The following PRRX1 variants were observed in gnomAD, a reference collection of about 807,000 sequenced individuals.
PRRX1 encodes paired related homeobox 1.
A neutral mutation model predicts 24.0 loss-of-function variants in PRRX1; 8 were observed. That is an observed-to-expected ratio of 0.33 (90% CI 0.20 to 0.60). The LOEUF is 0.60. Among genes scored for constraint, PRRX1 ranks in the 20% least tolerant of loss-of-function variants. The pLI, the probability that PRRX1 is intolerant of heterozygous loss-of-function variation, is 0.82. For synonymous variants in PRRX1, 160 were observed against 131.7 expected, an observed-to-expected ratio of 1.22 and a Z score of -1.47; for missense variants, 281 against 322.4, an observed-to-expected ratio of 0.87 and a Z score of 0.98.
Position 170,738,399 on chromosome 1 carries a change from C to A in PRRX1, c.*2213C>A, listed in dbSNP as rs187465183. 3.1e-5 allele frequency: 7 copies of A among 226,250 alleles called. No homozygotes were observed. In the East Asian group the frequency reaches 4.5e-4, roughly 14 times the overall value. 14.0% of individuals were successfully genotyped at this position (226,250 alleles called of 1,614,324 possible). On this transcript the variant is annotated 3_prime_UTR_variant, in exon 4 of 4. Coordinates refer to ENST00000239461, the MANE Select transcript of PRRX1 (RefSeq NM_022716.4). ...CTCATCTTATACATTTTGCTTTCAC[C>A]AATTGATTCCTTCTTCTTTTAGCCC...
chr1:170,686,254 G>A (rs1159940041), intron 1 of PRRX1, among the ~76,000 whole-genome samples: 1 of 151,208 alleles, frequency 6.6e-6, no homozygotes, highest in Non-Finnish European at 1.5e-5. Flanking sequence ...AGTGGAAAAT[G>A]GCAGCTCGGA....
intron 1 of PRRX1, among the ~76,000 whole-genome samples, chr1:170,717,441 A>T (rs1376117128): frequency 6.6e-6 from 1 of 152,240 alleles, no homozygotes; most frequent in Non-Finnish European, 1.5e-5. Flanking sequence ...TTGAAACAAC[A>T]TAAAAGATTT....
intron 1 of PRRX1, among the ~76,000 whole-genome samples, chr1:170,688,825 C>G (rs890489111): frequency 1.3e-5 from 2 of 152,088 alleles, no homozygotes; most frequent in South Asian, 2.1e-4. Context: ...CTTCCCATAT[C>G]TTAACTATAT....
At chr1:170,726,579 G>A (rs181534150) in intron 3 of PRRX1, 178 bp downstream of exon 3, 2 of 738,374 alleles carry the variant, frequency 2.7e-6, no homozygotes, top group Admixed American at 5.7e-5. Flanking sequence ...CCCAGCAGCA[G>A]GGTTTGGGGC....
chr1:170,682,819 A>G lies in PRRX1; in HGVS notation c.241+18360A>G, dbSNP rs145430536. Among the ~76,000 whole-genome samples, 804 of 152,374 alleles carry G rather than the reference A, an allele frequency of 5.3e-3. 8 individuals carry two copies. Among genetic ancestry groups the G allele is most frequent in the African/African-American group, 0.017 (691 of 41,598 alleles). On this transcript the variant is annotated intron_variant, in intron 1 of 3. Coordinates refer to ENST00000239461, the MANE Select transcript of PRRX1 (RefSeq NM_022716.4). ...TCAATTGTGATTAGTAAGTTTTATGAAAGAAATGAAACAGCCTATTTGAGC... is the reference window on the plus strand; with the variant it reads ...TCAATTGTGATTAGTAAGTTTTATGGAAGAAATGAAACAGCCTATTTGAGC...
chr1:170,664,554 C>T, intron 1 of PRRX1, 95 bp downstream of exon 1: 1 of 1,491,996 alleles, frequency 6.7e-7, no homozygotes, highest in Admixed American at 2.2e-5. Context: ...GCCAGAAAGA[C>T]AAGGTCCTGG....
At chr1:170,714,004 T>C (rs1654828982) in intron 1 of PRRX1, among the ~76,000 whole-genome samples, 1 of 152,188 alleles carries the variant, frequency 6.6e-6, no homozygotes, top group South Asian at 2.1e-4. Flanking sequence ...GTTGAGACGA[T>C]GTGTGTGTGC....
At chr1:170,723,410 TG>T (rs1235471456) in intron 2 of PRRX1, among the ~76,000 whole-genome samples, 1 of 152,112 alleles carries the variant, frequency 6.6e-6, no homozygotes, top group Non-Finnish European at 1.5e-5. Context: ...CAAATTTACA[TG>T]TCTTCATTTA....
intron 1 of PRRX1, among the ~76,000 whole-genome samples, chr1:170,688,798 C>G (rs532420098): frequency 6.6e-6 from 1 of 152,224 alleles, no homozygotes; most frequent in South Asian, 2.1e-4. Flanking sequence ...CAGGAAATTC[C>G]TGACTGACAT....
chr1:170,689,289 G>C (rs777653651), intron 1 of PRRX1, among the ~76,000 whole-genome samples: 2 of 152,202 alleles, frequency 1.3e-5, no homozygotes, highest in Middle Eastern at 3.4e-3. Context: ...GCTGTGTACT[G>C]TTCTTAGAAC....
intron 1 of PRRX1, among the ~76,000 whole-genome samples, chr1:170,679,257 A>G (rs183079919): frequency 6.6e-6 from 1 of 152,366 alleles, no homozygotes; most frequent in East Asian, 1.9e-4. Flanking sequence ...ATATGTGAAC[A>G]AACAAGTGAG....
intron 1 of PRRX1, among the ~76,000 whole-genome samples, chr1:170,679,243 A>C (rs1174058814): frequency 6.6e-6 from 1 of 152,198 alleles, no homozygotes; most frequent in East Asian, 1.9e-4. Context: ...TGCTGAATAA[A>C]CGAATATGTG....
chr1:170,686,073 C>G (rs1001789314), intron 1 of PRRX1, among the ~76,000 whole-genome samples: 3 of 150,998 alleles, frequency 2.0e-5, no homozygotes, highest in Non-Finnish European at 4.4e-5. Context: ...CCGTCTGCCT[C>G]CAAGGCTGTC....
At chr1:170,664,105 CT>C, upstream of PRRX1, 1 of 1,097,776 alleles carries the variant, frequency 9.1e-7, no homozygotes, top group Non-Finnish European at 1.3e-6. Flanking sequence ...CTCTCTCTCT[CT>C]CCACTACCCC....
chr1:170,709,597 T>G (rs1395738900), intron 1 of PRRX1, among the ~76,000 whole-genome samples: 1 of 152,194 alleles, frequency 6.6e-6, no homozygotes, highest in Non-Finnish European at 1.5e-5. Flanking sequence ...TTTCTACTAT[T>G]ACTTTACTTG....
chr1:170,720,044 C>G (rs550194913), intron 2 of PRRX1, 143 bp downstream of exon 2: 1 of 1,124,914 alleles, frequency 8.9e-7, no homozygotes, highest in African/African-American at 1.5e-5. Context: ...GAGGCAGGCA[C>G]ATTGCTTGAG....
intron 1 of PRRX1, among the ~76,000 whole-genome samples, chr1:170,702,054 C>T (rs542780816): frequency 2.6e-5 from 4 of 152,238 alleles, no homozygotes; most frequent in South Asian, 4.1e-4. Context: ...ACTTCCTCCT[C>T]GGCTCATCAG....
chr1:170,669,481 C>T (rs1380169284), intron 1 of PRRX1: 6 of 121,746 alleles, frequency 4.9e-5, no homozygotes, highest in African/African-American at 1.7e-4. Context: ...CGTTTCTATT[C>T]CACCGACCCA....
At chr1:170,732,175 G>T (rs901516741) in intron 3 of PRRX1, among the ~76,000 whole-genome samples, 1 of 152,182 alleles carries the variant, frequency 6.6e-6, no homozygotes, top group African/African-American at 2.4e-5. Context: ...GTATAGGAAG[G>T]ACTGGTCATT....
Sources: gnomAD v4.1 joint callset for allele counts (sites outside exome capture counted in the v4.1 genomes callset) on GRCh38, gnomAD v4.1.1 for gene constraint, MANE v1.5 for transcripts, NCBI Gene and HGNC (gene_info 2026-07-23, HGNC 2026-07-21) for gene names.